Variants in SENP6 observed in about 807,000 individuals in gnomAD.
SENP6 encodes the protein SUMO specific peptidase 6, also known as sentrin-specific protease 6.
Under a neutral mutation model 134.5 loss-of-function variants are expected in SENP6, and 41 were observed. The ratio of observed to expected loss-of-function variants is 0.30; its 90% CI spans 0.24 to 0.40. The LOEUF is 0.40. SENP6 is among the 10% of genes least tolerant of loss of function. The pLI is 1.00. For synonymous variants in SENP6, 395 were observed against 429.8 expected, an observed-to-expected ratio of 0.92 and a Z score of 1.00; for missense variants, 1,248 against 1,312.5, an observed-to-expected ratio of 0.95 and a Z score of 0.76.
intron 19 of SENP6, 122 bp downstream of exon 19, chr6:75,703,194 G>T (rs1476183022): frequency 1.3e-5 from 11 of 832,348 alleles, no homozygotes. Flanking sequence ...GGTGGCTCAC[G>T]CTTATAATCC....
intron 1 of SENP6, chr6:75,611,685 T>A (rs1173873729): frequency 2.0e-5 from 3 of 152,240 alleles, no homozygotes; most frequent in Non-Finnish European, 2.9e-5. Context: ...CAGCTTGAGA[T>A]AAGTGTATTT....
At chr6:75,668,486 A>G (rs1772421625) in intron 10 of SENP6, among the ~76,000 whole-genome samples, 1 of 152,228 alleles carries the variant, frequency 6.6e-6, no homozygotes, top group Admixed American at 6.5e-5. Context: ...AAGGAAATGA[A>G]TAGAATTCAA....
At chr6:75,713,437 A>C (rs575500473) in intron 21 of SENP6, 76 bp from the exon 22 acceptor site, 2 of 1,221,680 alleles carry the variant, frequency 1.6e-6, no homozygotes, top group East Asian at 2.3e-5. Flanking sequence ...GATTGTTTAT[A>C]ATATGCCACT....
chr6:75,687,015 C>T (rs1166944518), intron 16 of SENP6, among the ~76,000 whole-genome samples: 2 of 152,174 alleles, frequency 1.3e-5, no homozygotes, highest in African/African-American at 4.8e-5. Context: ...CCATTCTCCC[C>T]GTCACTTTCA....
At chr6:75,650,884 C>T (rs1770810392) in intron 7 of SENP6, among the ~76,000 whole-genome samples, 2 of 152,142 alleles carry the variant, frequency 1.3e-5, no homozygotes, top group South Asian at 4.1e-4. Flanking sequence ...TTCTCCTAAA[C>T]GATATCATGG....
At chr6:75,681,245 C>T (rs1361930747) in intron 16 of SENP6, among the ~76,000 whole-genome samples, 2 of 152,070 alleles carry the variant, frequency 1.3e-5, no homozygotes, top group Admixed American at 6.6e-5. Context: ...TGAGTAAGTT[C>T]TCACAAGTTC....
chr6:75,653,910 A>T (rs1240044613), intron 7 of SENP6, among the ~76,000 whole-genome samples: 1 of 152,108 alleles, frequency 6.6e-6, no homozygotes, highest in Non-Finnish European at 1.5e-5. Flanking sequence ...CCTTTTCTGG[A>T]GTTTTAATTA....
chr6:75,669,451 A>G (rs1772502241), intron 10 of SENP6, among the ~76,000 whole-genome samples: 1 of 152,154 alleles, frequency 6.6e-6, no homozygotes, highest in African/African-American at 2.4e-5. Flanking sequence ...TGTTTAAAAT[A>G]CATTTTTTTT....
chr6:75,678,930 A>G lies in SENP6; in HGVS notation c.2075+3A>G. 3.1e-6 allele frequency: 4 copies of G among 1,293,480 alleles called. No individual in the cohort carries two copies. Among genetic ancestry groups the G allele is most frequent in the East Asian group, 4.7e-5 (2 of 42,990 alleles). 80.1% of individuals were successfully genotyped at this position (1,293,480 alleles called of 1,614,324 possible). ...GTTATTATAGACTTTTATTTGAAGT[A>G]AGTTAATTTTCCACTGATCTTTTAT... On this transcript the variant is annotated splice_donor_region_variant and intron_variant, in intron 16 of 23. Transcript: ENST00000447266.
chr6:75,647,593 A>T (rs1159041996), intron 6 of SENP6, 138 bp from the exon 7 acceptor site: 3 of 464,450 alleles, frequency 6.5e-6, no homozygotes, highest in African/African-American at 4.0e-5. Context: ...TAGTTTTGTT[A>T]TTTTATAGTA....
At chr6:75,706,835 AC>A (rs762593133) in intron 19 of SENP6, among the ~76,000 whole-genome samples, 35 of 152,238 alleles carry the variant, frequency 2.3e-4, no homozygotes, top group Admixed American at 9.8e-4. Context: ...TTTACAGAAA[AC>A]TAGGGAAATA....
In SENP6 at chr6:75,612,260, A is replaced by G. The variant is rs541983079; in HGVS notation, c.53-9272A>G. Among the ~76,000 whole-genome samples, 8 of 152,350 alleles carry G rather than the reference A, an allele frequency of 5.3e-5. No homozygotes were observed. In the South Asian group the frequency reaches 1.7e-3, roughly 32 times the overall value. ...GGAAAATCTTGATAGTTCTTAAGAA[A>G]GACTTGGGCTGTAGCCCTGCAGAGC... On this transcript the variant is annotated intron_variant, in intron 1 of 23. Coordinates refer to ENST00000447266, the MANE Select transcript of SENP6 (RefSeq NM_015571.4).
intron 10 of SENP6, among the ~76,000 whole-genome samples, chr6:75,669,759 A>G (rs889847434): frequency 7.2e-5 from 11 of 152,202 alleles, no homozygotes; most frequent in Admixed American, 6.5e-5. Context: ...CTTTCTAAAG[A>G]ATTACTGATT....
At chr6:75,684,884 C>T (rs1001790656) in intron 16 of SENP6, among the ~76,000 whole-genome samples, 4 of 152,108 alleles carry the variant, frequency 2.6e-5, no homozygotes, top group African/African-American at 9.7e-5. Context: ...GTCTCCCAGG[C>T]TTTGGTATCA....
chr6:75,607,540 T>C (rs1410162103), intron 1 of SENP6, among the ~76,000 whole-genome samples: 1 of 152,026 alleles, frequency 6.6e-6, no homozygotes, highest in Non-Finnish European at 1.5e-5. Flanking sequence ...TATCTAGTTT[T>C]CTTTTCCTTT....
At chr6:75,611,269 T>C (rs1436994381) in intron 1 of SENP6, 1 of 152,210 alleles carries the variant, frequency 6.6e-6, no homozygotes, top group South Asian at 2.1e-4. Context: ...TTCAGTCTTC[T>C]GTTTTCAGCC....
rs189329026 is a variant in SENP6, at chr6:75,677,524, A to G, written c.1848+268A>G. 936 of 276,522 alleles carry G rather than the reference A, an allele frequency of 3.4e-3. 2 individuals carry two copies. The highest frequency in any genetic ancestry group is 9.3e-3 in the Middle Eastern group (8 of 858). The allele number at this position is 276,522 out of a possible 1,614,324, so 17.1% of individuals were successfully genotyped here. ...ACTTTTCATCATCATTTTCTCTGTCATCCTTTTTTCTTTATACCCTACTTC... is the reference window on the plus strand; with the variant it reads ...ACTTTTCATCATCATTTTCTCTGTCGTCCTTTTTTCTTTATACCCTACTTC... On this transcript the variant is annotated intron_variant, in intron 14 of 23. Transcript: ENST00000447266.
At chr6:75,650,317 T>A (rs1260213031) in intron 7 of SENP6, among the ~76,000 whole-genome samples, 1 of 152,218 alleles carries the variant, frequency 6.6e-6, no homozygotes, top group Non-Finnish European at 1.5e-5. Flanking sequence ...TTTTTCACTG[T>A]AAAATTACCG....
chr6:75,676,085 A>C, intron 13 of SENP6, 31 bp downstream of exon 13: 1 of 1,410,936 alleles, frequency 7.1e-7, no homozygotes, highest in Non-Finnish European at 9.6e-7. Context: ...TATAATAGAT[A>C]ATAATAGATA....
Sources: allele counts gnomAD v4.1 joint callset (sites outside exome capture counted in the v4.1 genomes callset), GRCh38; gene constraint gnomAD v4.1.1; transcripts MANE v1.5; gene names NCBI Gene and HGNC (gene_info 2026-07-23, HGNC 2026-07-21).